The following SLC7A2 variants were observed in gnomAD, a reference collection of about 807,000 sequenced individuals.
The protein encoded by SLC7A2 is solute carrier family 7 member 2.
Under a neutral mutation model 58.9 loss-of-function variants are expected in SLC7A2, and 48 were observed. The observed-to-expected ratio is 0.82, with a 90% CI of 0.65 to 1.04. The LOEUF (loss-of-function observed/expected upper bound fraction) is 1.04. Among genes scored for constraint, SLC7A2 ranks in the 50% least tolerant of loss-of-function variants. The pLI is 0.00. For synonymous variants in SLC7A2, 363 were observed against 314.5 expected, an observed-to-expected ratio of 1.15 and a Z score of -1.63; for missense variants, 1,029 against 818.8, an observed-to-expected ratio of 1.26 and a Z score of -3.13.
chr8:17,543,697 A>T lies in SLC7A2; in HGVS notation c.358A>T (p.Ile120Phe). The change falls in exon 3 of 13, where the codon ATT becomes TTT. Residue 120 changes from isoleucine to phenylalanine, a missense_variant. Transcript: ENST00000494857. Reference protein sequence around the residue: ...LWAFITGWNLILSYVIGTSSV... With the variant: ...LWAFITGWNLFLSYVIGTSSV... ...GGCCTTCATCACTGGCTGGAATCTC[A>T]TTTTATCGTATGTGATAGGTATGTT... is the stretch of plus-strand genomic sequence containing the variant. 1 of 1,515,454 alleles carries T rather than the reference A, an allele frequency of 6.6e-7. No homozygotes were observed. Among genetic ancestry groups the T allele is most frequent in the Non-Finnish European group, 8.8e-7 (1 of 1,131,744 alleles). The allele number at this position is 1,515,454 out of a possible 1,614,324, so 93.9% of individuals were successfully genotyped here.
chr8:17,514,866 C>A (rs1335426300), intron 2 of SLC7A2, among the ~76,000 whole-genome samples: 1 of 152,152 alleles, frequency 6.6e-6, no homozygotes, highest in East Asian at 1.9e-4. Flanking sequence ...AAGATAAAAT[C>A]TTCTCTTAGT....
intron 11 of SLC7A2, 70 bp from the exon 12 acceptor site, chr8:17,563,533 C>A: frequency 1.1e-6 from 1 of 905,180 alleles, no homozygotes; most frequent in East Asian, 2.4e-5. Context: ...TAATTGCCAC[C>A]CTGTTGAAAT....
chr8:17,516,265 G>T (rs559766415), intron 2 of SLC7A2, among the ~76,000 whole-genome samples: 2 of 150,920 alleles, frequency 1.3e-5, no homozygotes, highest in Non-Finnish European at 2.9e-5. Flanking sequence ...TCGCTCTGTC[G>T]CCCAGGCTGG....
rs12155849 is a variant in SLC7A2, at chr8:17,565,423, T to G, written c.*277T>G. ...GTATGTATGTATCTATGTATATGCT[T>G]GGGAACATGAGTGTTACAAGTTAGC... On this transcript the variant is annotated 3_prime_UTR_variant, in exon 13 of 13. Coordinates refer to ENST00000494857, the MANE Select transcript of SLC7A2 (RefSeq NM_001370338.1). 4,550 of 314,608 alleles carry G rather than the reference T, an allele frequency of 0.014. 128 individuals carry two copies. The highest frequency in any genetic ancestry group is 0.072 in the Admixed American group (1,581 of 22,028). The allele number at this position is 314,608 out of a possible 1,614,324, so 19.5% of individuals were successfully genotyped here. A position where few individuals can be genotyped will look rare whatever the true frequency, so the allele number is the denominator to read the frequency against.
chr8:17,518,981 C>G (rs187219928), intron 2 of SLC7A2, among the ~76,000 whole-genome samples: 5 of 152,234 alleles, frequency 3.3e-5, no homozygotes, highest in Admixed American at 3.3e-4. Flanking sequence ...AGAGAGAACA[C>G]CAGCTCTTCC....
chr8:17,544,919 G>C (rs1194282066), intron 4 of SLC7A2, among the ~76,000 whole-genome samples: 1 of 152,158 alleles, frequency 6.6e-6, no homozygotes, highest in Non-Finnish European at 1.5e-5. Context: ...GTTTCAGTAA[G>C]GAAGAATGTG....
At chr8:17,505,422 G>C (rs1056305059) in intron 2 of SLC7A2, among the ~76,000 whole-genome samples, 1 of 152,178 alleles carries the variant, frequency 6.6e-6, no homozygotes, top group East Asian at 1.9e-4. Flanking sequence ...AGATGTGGCA[G>C]TTGGGGTCAC....
intron 2 of SLC7A2, among the ~76,000 whole-genome samples, chr8:17,530,659 G>A (rs1801412511): frequency 1.3e-5 from 2 of 150,726 alleles, no homozygotes; most frequent in Non-Finnish European, 2.9e-5. Flanking sequence ...TGCAACTTCT[G>A]CCTCCTAGGT....
intron 2 of SLC7A2, among the ~76,000 whole-genome samples, chr8:17,525,574 G>A (rs921768770): frequency 6.6e-6 from 1 of 152,162 alleles, no homozygotes; most frequent in Non-Finnish European, 1.5e-5. Flanking sequence ...AGGTGCAGGT[G>A]ATAATCCGGG....
Position 17,507,111 on chromosome 8 carries a change from A to AT in SLC7A2, c.-23+4817dup, listed in dbSNP as rs561402839. On this transcript the variant is annotated intron_variant, in intron 2 of 12. Transcript: ENST00000494857. ...AGGCGGGCACCACCATGCCTGGCTAATTTTTTTTGTATTTTAGTAGAGATG... is the reference window on the plus strand; with the variant it reads ...AGGCGGGCACCACCATGCCTGGCTAATTTTTTTTTGTATTTTAGTAGAGATG... Among the ~76,000 whole-genome samples the AT allele has an allele frequency of 5.3e-3, 802 of 151,546 alleles. 1 individual carries two copies. Among genetic ancestry groups the AT allele is most frequent in the Non-Finnish European group, 8.1e-3 (547 of 67,830 alleles).
chr8:17,554,425 T>C (rs965389935), intron 7 of SLC7A2, 135 bp from the exon 8 acceptor site: 2 of 668,194 alleles, frequency 3.0e-6, no homozygotes, highest in Non-Finnish European at 2.2e-6. Flanking sequence ...AATAATGACA[T>C]AATTATTAAT....
At chr8:17,516,396 G>C (rs1189098553) in intron 2 of SLC7A2, among the ~76,000 whole-genome samples, 3 of 152,048 alleles carry the variant, frequency 2.0e-5, no homozygotes, top group Admixed American at 6.6e-5. Flanking sequence ...GCTAATTTTT[G>C]TACTTTTAGC....
chr8:17,547,614 G>A (rs1802234413), intron 4 of SLC7A2, among the ~76,000 whole-genome samples: 1 of 152,280 alleles, frequency 6.6e-6, no homozygotes, highest in South Asian at 2.1e-4. Context: ...AATGGAAAGT[G>A]TAGAAAGATA....
chr8:17,551,588 ACT>A (rs1802452428), intron 6 of SLC7A2, among the ~76,000 whole-genome samples, 174 bp from the exon 7 acceptor site: 1 of 152,090 alleles, frequency 6.6e-6, no homozygotes, highest in South Asian at 2.1e-4. Context: ...ACAGAGCAAG[ACT>A]CTGTCTCAAA....
intron 2 of SLC7A2, among the ~76,000 whole-genome samples, chr8:17,537,393 C>G (rs1048218488): frequency 1.3e-5 from 2 of 152,134 alleles, no homozygotes; most frequent in African/African-American, 4.8e-5. Context: ...GGTTTCTGCA[C>G]CTTGTCAAGC....
intron 2 of SLC7A2, among the ~76,000 whole-genome samples, chr8:17,505,339 C>A (rs988461010): frequency 1.3e-5 from 2 of 152,154 alleles, no homozygotes; most frequent in Admixed American, 6.5e-5. Context: ...CCTTCTTGGT[C>A]ATGCATCCTT....
At chr8:17,546,619 C>T (rs1305187609) in intron 4 of SLC7A2, among the ~76,000 whole-genome samples, 2 of 152,188 alleles carry the variant, frequency 1.3e-5, no homozygotes, top group Non-Finnish European at 2.9e-5. Context: ...CCTAACCTAA[C>T]TTACAATTAC....
At chr8:17,507,354 AATG>A (rs1215526205) in intron 2 of SLC7A2, among the ~76,000 whole-genome samples, 102 of 151,854 alleles carry the variant, frequency 6.7e-4, no homozygotes, top group South Asian at 8.3e-4. Context: ...AAACTATTTA[AATG>A]TGTGTGTGTG....
At chr8:17,549,626 T>C in intron 5 of SLC7A2, among the ~76,000 whole-genome samples, 1 of 152,210 alleles carries the variant, frequency 6.6e-6, no homozygotes, top group Non-Finnish European at 1.5e-5. Flanking sequence ...GCTTTAGTAA[T>C]CTTCAGACCT....
Sources: gnomAD v4.1 joint callset for allele counts (sites outside exome capture counted in the v4.1 genomes callset) on GRCh38, gnomAD v4.1.1 for gene constraint, MANE v1.5 for transcripts, NCBI Gene and HGNC (gene_info 2026-07-23, HGNC 2026-07-21) for gene names.